Variants in RGS7 observed in about 807,000 individuals in gnomAD.
RGS7 encodes regulator of G protein signaling 7, also known as regulator of G-protein signaling 7.
Under a neutral mutation model 81.1 loss-of-function variants are expected in RGS7, and 27 were observed. The ratio of observed to expected loss-of-function variants is 0.33; its 90% CI spans 0.25 to 0.46. The LOEUF (loss-of-function observed/expected upper bound fraction) is 0.46, where lower values mean the gene tolerates loss of function less well. Among genes scored for constraint, RGS7 ranks in the 20% least tolerant of loss-of-function variants. RGS7 has a pLI of 1.00. For synonymous variants in RGS7, 208 were observed against 207.7 expected (o/e 1.00, Z -0.01); for missense variants, 396 against 607.4 (o/e 0.65, Z 3.66).
At chr1:241,350,783 T>C (rs1394163704) in intron 2 of RGS7, among the ~76,000 whole-genome samples, 1 of 149,452 alleles carries the variant, frequency 6.7e-6, no homozygotes, top group Non-Finnish European at 1.5e-5. Context: ...AGATTATTTT[T>C]CACGACGGGG....
chr1:240,775,390 T>G (rs1682794892), downstream of RGS7: 1 of 152,206 alleles, frequency 6.6e-6, no homozygotes, highest in Non-Finnish European at 1.5e-5. Flanking sequence ...CTATCCAAGC[T>G]TGTCTTGAAA....
intron 2 of RGS7, among the ~76,000 whole-genome samples, chr1:241,348,642 G>C (rs910311584): frequency 1.3e-5 from 2 of 152,182 alleles, no homozygotes; most frequent in Non-Finnish European, 2.9e-5. Context: ...GATTAACTCT[G>C]AGTTTCCTTT....
chr1:240,868,149 A>AGAAAGAAAGAAAGAAAG lies in RGS7; in HGVS notation c.609+437_609+438insCTTTCTTTCTTTCTTTC, dbSNP rs1558382681. Among the ~76,000 whole-genome samples, 1 of 100,028 alleles carries AGAAAGAAAGAAAGAAAG rather than the reference A, an allele frequency of 1.0e-5. No individual in the cohort carries two copies. Among genetic ancestry groups the AGAAAGAAAGAAAGAAAG allele is most frequent in the African/African-American group, 7.1e-5 (1 of 13,992 alleles). The allele number at this position is 100,028 out of a possible 152,430, so 65.6% of individuals were successfully genotyped here. A position where few individuals can be genotyped will look rare whatever the true frequency, so the allele number is the denominator to read the frequency against. On this transcript the variant is annotated intron_variant, in intron 9 of 18. Coordinates refer to ENST00000440928, the MANE Select transcript of RGS7 (RefSeq NM_001364886.1). The surrounding 1 kb of genome is among the most constrained non-coding windows in gnomAD (Gnocchi z 5.1). ...AAGAAAGAAAGAAAGAAAGAAAGAA[A>AGAAAGAAAGAAAGAAAG]GAAAGAAAGGACGGAGGGAGGGAAG... is the stretch of plus-strand genomic sequence containing the variant.
chr1:241,243,416 A>C (rs2076357104), intron 2 of RGS7, among the ~76,000 whole-genome samples: 1 of 152,242 alleles, frequency 6.6e-6, no homozygotes. Flanking sequence ...GGGAAATAGA[A>C]GAATGAAAGC....
intron 2 of RGS7, among the ~76,000 whole-genome samples, chr1:241,128,412 T>C (rs1284593091): frequency 6.6e-6 from 1 of 151,904 alleles, no homozygotes; most frequent in African/African-American, 2.4e-5. Flanking sequence ...GGTAAAACCC[T>C]GTCTCTACTA....
intron 2 of RGS7, among the ~76,000 whole-genome samples, chr1:241,138,379 A>G (rs369492804): frequency 6.6e-6 from 1 of 152,082 alleles, no homozygotes; most frequent in Non-Finnish European, 1.5e-5. Context: ...GAGGAGAGGA[A>G]TATCTTCAGG....
intron 6 of RGS7, chr1:240,920,166 C>T: frequency 1.0e-6 from 1 of 998,846 alleles, no homozygotes; most frequent in Non-Finnish European, 1.6e-6. Flanking sequence ...TGTGAATGGC[C>T]ACAACTGTGA....
chr1:241,278,865 A>G (rs2177115), intron 2 of RGS7, among the ~76,000 whole-genome samples: 85,367 of 152,026 alleles, frequency 0.56, 24,403 homozygotes, highest in East Asian at 0.7. Flanking sequence ...GATGGCACAC[A>G]CCTTCTAGTT....
intron 4 of RGS7, among the ~76,000 whole-genome samples, chr1:240,967,582 A>G (rs261853): frequency 0.092 from 10,016 of 108,494 alleles, 424 homozygotes; most frequent in Middle Eastern, 0.13. Flanking sequence ...GGGGGGGGGG[A>G]AAAGGCTGTA....
At chr1:240,799,755 G>A (rs1687731058) in intron 18 of RGS7, among the ~76,000 whole-genome samples, 1 of 152,190 alleles carries the variant, frequency 6.6e-6, no homozygotes, top group Non-Finnish European at 1.5e-5. Context: ...ATGGCTGCAA[G>A]TCTATACTTT....
intron 4 of RGS7, among the ~76,000 whole-genome samples, chr1:240,978,126 A>G (rs1365508239): frequency 6.6e-6 from 1 of 152,190 alleles, no homozygotes. Context: ...TGCAAAGTGG[A>G]GACGATCCCA....
At chr1:240,807,938 G>A (rs981181978) in intron 14 of RGS7, among the ~76,000 whole-genome samples, 1 of 151,660 alleles carries the variant, frequency 6.6e-6, no homozygotes, top group Non-Finnish European at 1.5e-5. Flanking sequence ...GGGAGGCTGA[G>A]GCACGAGAAT....
At chr1:241,241,316 A>G (rs2076247995) in intron 2 of RGS7, among the ~76,000 whole-genome samples, 1 of 151,884 alleles carries the variant, frequency 6.6e-6, no homozygotes, top group Non-Finnish European at 1.5e-5. Flanking sequence ...GTTGGTGCAA[A>G]TGTAATTGTG....
intron 3 of RGS7, among the ~76,000 whole-genome samples, chr1:241,005,739 G>A (rs562068402): frequency 5.9e-5 from 9 of 152,126 alleles, no homozygotes; most frequent in African/African-American, 1.7e-4. Context: ...TTTCACTTAC[G>A]TTGGCCAGGC....
chr1:241,046,054 G>C (rs552010828), intron 3 of RGS7, among the ~76,000 whole-genome samples: 1 of 152,214 alleles, frequency 6.6e-6, no homozygotes. Flanking sequence ...TGAGATCCTT[G>C]TGGTTTATGA....
At chr1:240,919,926 G>C in intron 6 of RGS7, 1 of 1,238,278 alleles carries the variant, frequency 8.1e-7, no homozygotes, top group Non-Finnish European at 1.2e-6. Flanking sequence ...TGTCTCAAGA[G>C]AAGATTCTCA....
At chr1:241,234,837 C>A (rs962040051) in intron 2 of RGS7, among the ~76,000 whole-genome samples, 1 of 150,830 alleles carries the variant, frequency 6.6e-6, no homozygotes, top group Non-Finnish European at 1.5e-5. Context: ...TAATTTACTG[C>A]AAAAGGATAG....
chr1:241,212,022 CAT>C (rs1194435624), intron 2 of RGS7, among the ~76,000 whole-genome samples: 2 of 151,588 alleles, frequency 1.3e-5, no homozygotes, highest in Non-Finnish European at 2.9e-5. Context: ...TCCATTATTA[CAT>C]GTGTATTATT....
At chr1:241,221,572 C>G (rs6429254) in intron 2 of RGS7, among the ~76,000 whole-genome samples, 1 of 152,076 alleles carries the variant, frequency 6.6e-6, no homozygotes, top group Admixed American at 6.5e-5. Context: ...CGACAACGCC[C>G]AGATAAGTAG....
Sources: allele counts gnomAD v4.1 joint callset (sites outside exome capture counted in the v4.1 genomes callset), GRCh38; gene constraint gnomAD v4.1.1; non-coding constraint Gnocchi (gnomAD v3.1); transcripts MANE v1.5; gene names NCBI Gene and HGNC (gene_info 2026-07-23, HGNC 2026-07-21).